Variants in CCDC93 observed in about 807,000 individuals in gnomAD.
CCDC93 encodes the protein CCC complex scaffolding subunit CCDC93, also known as coiled-coil domain-containing protein 93.
In CCDC93, 61 loss-of-function variants were observed where a neutral mutation model predicts 108.2. The ratio of observed to expected loss-of-function variants is 0.56; its 90% CI spans 0.46 to 0.70. CCDC93 has a LOEUF of 0.70. Ranked by LOEUF, CCDC93 falls within the 30% of genes least tolerant of loss-of-function variation. CCDC93 has a pLI of 0.00. For missense variants in CCDC93, 685 were observed against 764.2 expected, an observed-to-expected ratio of 0.90 and a Z score of 1.22; for synonymous variants, 276 against 260.4, an observed-to-expected ratio of 1.06 and a Z score of -0.58.
chr2:118,003,518 C>T (rs547486999), intron 3 of CCDC93, among the ~76,000 whole-genome samples: 2 of 152,290 alleles, frequency 1.3e-5, no homozygotes, highest in South Asian at 4.1e-4. Context: ...AGGAGGAGAG[C>T]TCCCTCTTGT....
intron 23 of CCDC93, among the ~76,000 whole-genome samples, chr2:117,923,281 T>C (rs1461154762): frequency 6.6e-6 from 1 of 152,050 alleles, no homozygotes; most frequent in Non-Finnish European, 1.5e-5. Flanking sequence ...AGACAGCGCG[T>C]GCAGTGCACT....
At chr2:117,988,109 A>G (rs538389879) in intron 6 of CCDC93, among the ~76,000 whole-genome samples, 4 of 151,180 alleles carry the variant, frequency 2.6e-5, no homozygotes, top group Admixed American at 2.0e-4. Flanking sequence ...ACATATATAT[A>G]TATCAGATAT....
chr2:117,942,226 T>C (rs1412700853), intron 18 of CCDC93, among the ~76,000 whole-genome samples: 6 of 152,176 alleles, frequency 3.9e-5, no homozygotes, highest in African/African-American at 1.4e-4. Context: ...GATACAACTC[T>C]TCAGTCTTTT....
chr2:118,005,752 C>CAA (rs11439902), intron 3 of CCDC93, among the ~76,000 whole-genome samples: 9,133 of 133,954 alleles, frequency 0.068, 365 homozygotes, highest in Middle Eastern at 0.15. Flanking sequence ...GACTCTGTCT[C>CAA]AAAAAAAAAA....
intron 16 of CCDC93, 76 bp downstream of exon 16, chr2:117,946,735 G>A: frequency 9.8e-7 from 1 of 1,018,582 alleles, no homozygotes; most frequent in South Asian, 1.3e-5. Flanking sequence ...ACAGCGGTCT[G>A]CTCTTTGGTC....
chr2:117,951,391 T>C (rs1346124989), intron 13 of CCDC93: 3 of 985,454 alleles, frequency 3.0e-6, no homozygotes, highest in East Asian at 2.3e-4. Flanking sequence ...TTTTGAAATA[T>C]TCTGACAATA....
At chr2:117,924,632 A>G (rs1414563621) in intron 23 of CCDC93, among the ~76,000 whole-genome samples, 3 of 152,240 alleles carry the variant, frequency 2.0e-5, no homozygotes, top group African/African-American at 7.2e-5. Flanking sequence ...GACTATGTGA[A>G]AAGACCAAAT....
intron 13 of CCDC93, chr2:117,949,633 C>G (rs1014683485): frequency 4.6e-6 from 2 of 435,618 alleles, no homozygotes; most frequent in Non-Finnish European, 6.1e-6. Context: ...AAGAAAACAC[C>G]GTTTCTCCAA....
chr2:117,949,632 C>A (rs1314835829), intron 13 of CCDC93: 1 of 425,964 alleles, frequency 2.3e-6, no homozygotes, highest in Non-Finnish European at 3.1e-6. Flanking sequence ...GAAGAAAACA[C>A]CGTTTCTCCA....
chr2:117,937,482 A>T (rs982055609), intron 20 of CCDC93, among the ~76,000 whole-genome samples: 2 of 152,238 alleles, frequency 1.3e-5, no homozygotes, highest in African/African-American at 2.4e-5. Context: ...AAGGTTTTAA[A>T]CTATCATAGG....
At chr2:117,957,438 C>T (rs1679255921) in intron 12 of CCDC93, among the ~76,000 whole-genome samples, 1 of 152,206 alleles carries the variant, frequency 6.6e-6, no homozygotes, top group Non-Finnish European at 1.5e-5. Flanking sequence ...CTCCATTTCC[C>T]TGCCATCAAT....
intron 4 of CCDC93, chr2:117,999,393 T>C (rs1036133307): frequency 6.6e-6 from 1 of 152,208 alleles, no homozygotes; most frequent in African/African-American, 2.4e-5. Flanking sequence ...AATTACCTTC[T>C]CTCAGTCTCA....
intron 3 of CCDC93, among the ~76,000 whole-genome samples, chr2:118,004,580 C>T (rs1676812938): frequency 6.6e-6 from 1 of 152,208 alleles, no homozygotes; most frequent in South Asian, 2.1e-4. Flanking sequence ...TAACCAGAAA[C>T]TCTATGGTGG....
At chr2:117,983,170 T>C (rs925701440) in intron 7 of CCDC93, among the ~76,000 whole-genome samples, 3 of 152,198 alleles carry the variant, frequency 2.0e-5, no homozygotes, top group Non-Finnish European at 4.4e-5. Flanking sequence ...CCATGGTCTG[T>C]TTCCCATCCT....
rs375460660 is a variant in CCDC93, at chr2:117,945,529, G to A, written c.1350C>T (p.Asp450=). ...PGTLTSAMTH[D]EDLDRRYNME... is the part of the protein sequence containing the mutation. ...CAGTCCTGAGCAGGCAGGTACTTAC[G>A]TCATGAGTCATTGCAGAGGTCAAGG... The change falls in exon 17 of 24, where the codon GAC becomes GAT. Residue 450 remains aspartate, a splice_region_variant and synonymous_variant. Transcript: ENST00000376300. 22 of 1,613,502 alleles carry A rather than the reference G, an allele frequency of 1.4e-5. No homozygotes were observed. The highest frequency in any genetic ancestry group is 6.7e-5 in the African/African-American group (5 of 74,892).
At chr2:117,984,192 AAAT>A (rs1304900690) in intron 7 of CCDC93, among the ~76,000 whole-genome samples, 2 of 152,150 alleles carry the variant, frequency 1.3e-5, no homozygotes, top group Non-Finnish European at 2.9e-5. Flanking sequence ...TAAAAAAACA[AAAT>A]AACATCTCTC....
In CCDC93 at chr2:117,996,346, G is replaced by A. The variant is rs779713937; in HGVS notation, c.380C>T (p.Ala127Val). The change falls in exon 5 of 24, where the codon GCT becomes GTT. Residue 127 changes from alanine to valine, a missense_variant. Ala to Val is a moderately conservative substitution (Grantham distance 64, BLOSUM62 0). Transcript: ENST00000376300. ...ACCCATCTCTTCTTTTGTTTCTATA[G>A]CTCGTTTCACCAGCCACTGGGGAAG... ...FPVVQWLVKR[A>V]IETKEEMGDY... 12 of 1,612,850 alleles carry A rather than the reference G, an allele frequency of 7.4e-6. No homozygotes were observed. The highest frequency in any genetic ancestry group is 1.0e-5 in the Non-Finnish European group (12 of 1,179,056).
rs1863040 is a variant in CCDC93, at chr2:117,919,260, T to C, written c.*1083A>G. 92,506 of 152,040 alleles carry C rather than the reference T, an allele frequency of 0.61. 28,780 individuals carry two copies. Among genetic ancestry groups the C allele is most frequent in the African/African-American group, 0.72 (29,782 of 41,462 alleles). 9.4% of individuals were successfully genotyped at this position (152,040 alleles called of 1,614,324 possible). Reference sequence around the variant, plus strand: ...AAGCCTCCTGCAGAGACTAGCTTATTCCCTCCTTTCCCAACATGCATGCCT... The same window carrying C: ...AAGCCTCCTGCAGAGACTAGCTTATCCCCTCCTTTCCCAACATGCATGCCT... On this transcript the variant is annotated 3_prime_UTR_variant, in exon 24 of 24. Coordinates refer to ENST00000376300, the MANE Select transcript of CCDC93 (RefSeq NM_019044.5).
chr2:117,996,177 T>G (rs1680639803), intron 5 of CCDC93, 87 bp downstream of exon 5: 11 of 830,666 alleles, frequency 1.3e-5, no homozygotes, highest in Non-Finnish European at 7.9e-6. Flanking sequence ...TAGGGGAGCC[T>G]GAGCTTACTC....
Sources: allele counts gnomAD v4.1 joint callset (sites outside exome capture counted in the v4.1 genomes callset), GRCh38; gene constraint gnomAD v4.1.1; transcripts MANE v1.5; gene names NCBI Gene and HGNC (gene_info 2026-07-23, HGNC 2026-07-21).